SUMF1: variants seen among roughly 807,000 people sequenced by gnomAD.
The protein encoded by SUMF1 is sulfatase modifying factor 1, also known as formylglycine-generating enzyme.
Under a neutral mutation model 47.6 loss-of-function variants are expected in SUMF1, and 48 were observed. That is an observed-to-expected ratio of 1.01 (90% CI 0.80 to 1.28). SUMF1 has a LOEUF of 1.28. SUMF1 is among the 50% of genes most tolerant of loss of function. The probability of loss-of-function intolerance (pLI) is 0.00; values close to 1 mark genes in which losing one functional copy is unlikely to be tolerated. For missense variants in SUMF1, 571 were observed against 485.4 expected (o/e 1.18, Z -1.66); for synonymous variants, 230 against 192.1 (o/e 1.20, Z -1.63).
chr3:4,203,528 T>G (rs754861980), intron 8 of SUMF1, among the ~76,000 whole-genome samples: 7 of 152,164 alleles, frequency 4.6e-5, no homozygotes, highest in Non-Finnish European at 8.8e-5. Context: ...GTCCTGTTTT[T>G]TACATCCATT....
intron 8 of SUMF1, among the ~76,000 whole-genome samples, chr3:4,351,337 C>T (rs1699496862): frequency 6.6e-6 from 1 of 152,134 alleles, no homozygotes; most frequent in Non-Finnish European, 1.5e-5. Flanking sequence ...ATTTTTGAGC[C>T]CAGCCACAGA....
intron 8 of SUMF1, among the ~76,000 whole-genome samples, chr3:4,081,654 T>C (rs1692562178): frequency 6.6e-6 from 1 of 152,112 alleles, no homozygotes; most frequent in African/African-American, 2.4e-5. Context: ...CCTCAGCTTC[T>C]TCAGTTATAA....
intron 3 of SUMF1, among the ~76,000 whole-genome samples, chr3:4,422,766 C>G (rs2125049929): frequency 6.6e-6 from 1 of 151,050 alleles, no homozygotes; most frequent in South Asian, 2.1e-4. Flanking sequence ...CTCTTTTCTT[C>G]CTTTTTTTTT....
chr3:4,360,665 C>A (rs776543831), downstream of SUMF1, among the ~76,000 whole-genome samples: 2 of 152,004 alleles, frequency 1.3e-5, no homozygotes, highest in Non-Finnish European at 2.9e-5. Context: ...ATTGTTTTAA[C>A]ATGTTAAGAG....
At chr3:4,319,771 G>A (rs1698783710) in intron 8 of SUMF1, among the ~76,000 whole-genome samples, 1 of 152,154 alleles carries the variant, frequency 6.6e-6, no homozygotes, top group Non-Finnish European at 1.5e-5. Flanking sequence ...TCTTCAATAA[G>A]TGAATGGATA....
At chr3:4,131,816 G>T (rs1288260841) in intron 8 of SUMF1, among the ~76,000 whole-genome samples, 2 of 152,064 alleles carry the variant, frequency 1.3e-5, no homozygotes, top group Non-Finnish European at 2.9e-5. Context: ...TGGATAGGAT[G>T]ACCCATTCTG....
chr3:4,441,135 C>T (rs1241939403), intron 3 of SUMF1, among the ~76,000 whole-genome samples: 8 of 152,086 alleles, frequency 5.3e-5, no homozygotes, highest in Admixed American at 3.3e-4. Flanking sequence ...ATTTACAGCC[C>T]GCTCCTCGTT....
In SUMF1 at chr3:4,295,482, T is replaced by C. The variant is rs1456093693; in HGVS notation, c.1014+80848A>G. 2.0e-5 allele frequency among the ~76,000 whole-genome samples: 3 copies of C among 151,946 alleles called. No individual in the cohort carries two copies. In the East Asian group the frequency reaches 5.8e-4, roughly 29 times the overall value. ...ATTATAGATGAGAAGGAAGATCTAG[T>C]ACTCTAGAAAAAATTCTGTTTATAG... is the stretch of plus-strand genomic sequence containing the variant. On this transcript the variant is annotated intron_variant and NMD_transcript_variant, in intron 8 of 12. Coordinates refer to the SUMF1 transcript ENST00000448413.
At chr3:4,190,955 G>C (rs1016762863) in intron 8 of SUMF1, among the ~76,000 whole-genome samples, 2 of 152,140 alleles carry the variant, frequency 1.3e-5, no homozygotes, top group African/African-American at 4.8e-5. Flanking sequence ...GTGCATTCTA[G>C]TGAAGCCAGA....
chr3:4,265,309 T>C (rs1697169356), intron 8 of SUMF1, among the ~76,000 whole-genome samples: 1 of 152,158 alleles, frequency 6.6e-6, no homozygotes, highest in African/African-American at 2.4e-5. Context: ...GCCAAACCTT[T>C]AGCTTAGAGA....
chr3:4,191,677 A>AT (rs913402612), intron 8 of SUMF1, among the ~76,000 whole-genome samples: 11 of 152,248 alleles, frequency 7.2e-5, no homozygotes, highest in Admixed American at 7.2e-4. Flanking sequence ...GATGTGTAAG[A>AT]TGAGGACAAG....
At chr3:4,358,045 T>G (rs897428052), downstream of SUMF1, among the ~76,000 whole-genome samples, 1 of 152,184 alleles carries the variant, frequency 6.6e-6, no homozygotes, top group East Asian at 1.9e-4. Flanking sequence ...GACACAGATC[T>G]GTACTGCATT....
chr3:4,402,972 G>C (rs969529734), intron 7 of SUMF1, among the ~76,000 whole-genome samples: 5 of 152,194 alleles, frequency 3.3e-5, no homozygotes, highest in Non-Finnish European at 1.5e-5. Context: ...CCATCAGTGA[G>C]ATACTGTTCT....
intron 3 of SUMF1, 99 bp from the exon 4 acceptor site, chr3:4,420,245 T>TC: frequency 2.3e-6 from 2 of 852,392 alleles, no homozygotes; most frequent in South Asian, 2.8e-5. Context: ...GTCTTCAACT[T>TC]CCATTTGGAT....
chr3:4,422,771 T>C (rs1377914825), intron 3 of SUMF1, among the ~76,000 whole-genome samples: 1 of 152,000 alleles, frequency 6.6e-6, no homozygotes, highest in Non-Finnish European at 1.5e-5. Context: ...TTCTTCCTTT[T>C]TTTTTTTAAA....
At chr3:4,221,334 T>A (rs1348626648) in intron 8 of SUMF1, among the ~76,000 whole-genome samples, 1 of 152,038 alleles carries the variant, frequency 6.6e-6, no homozygotes, top group African/African-American at 2.4e-5. Flanking sequence ...TTGCCATGAA[T>A]CTTAACAGTC....
chr3:4,278,441 C>G (rs1697461858), intron 8 of SUMF1, among the ~76,000 whole-genome samples: 1 of 151,998 alleles, frequency 6.6e-6, no homozygotes, highest in Non-Finnish European at 1.5e-5. Flanking sequence ...GAATTAACTA[C>G]TGATAAAAAA....
intron 8 of SUMF1, among the ~76,000 whole-genome samples, chr3:4,095,781 G>A (rs1449606240): frequency 6.6e-6 from 1 of 152,102 alleles, no homozygotes; most frequent in Non-Finnish European, 1.5e-5. Flanking sequence ...TGACCTCTAA[G>A]CCTGTAAAAA....
At chr3:4,287,385 G>A (rs1286273943) in intron 8 of SUMF1, among the ~76,000 whole-genome samples, 1 of 146,738 alleles carries the variant, frequency 6.8e-6, no homozygotes, top group Admixed American at 7.0e-5. Flanking sequence ...TAGCCATTTA[G>A]AAGAATAATG....
Sources: allele counts gnomAD v4.1 joint callset (sites outside exome capture counted in the v4.1 genomes callset), GRCh38; gene constraint gnomAD v4.1.1; transcripts MANE v1.5; gene names NCBI Gene and HGNC (gene_info 2026-07-23, HGNC 2026-07-21).